Variants in COG3 observed in about 807,000 individuals in gnomAD.
COG3 encodes conserved oligomeric Golgi complex subunit 3.
A neutral mutation model predicts 114.1 loss-of-function variants in COG3; 32 were observed. That is an observed-to-expected ratio of 0.28 (90% CI 0.21 to 0.38). COG3 has a LOEUF of 0.38. COG3 is among the 10% of genes least tolerant of loss of function. The probability of loss-of-function intolerance (pLI) is 1.00; values close to 1 mark genes in which losing one functional copy is unlikely to be tolerated. For synonymous variants in COG3, 352 were observed against 365.7 expected, an observed-to-expected ratio of 0.96 and a Z score of 0.43; for missense variants, 813 against 973.2, an observed-to-expected ratio of 0.84 and a Z score of 2.19.
chr13:45,529,041 G>A (rs561565142), intron 20 of COG3, among the ~76,000 whole-genome samples: 15 of 152,182 alleles, frequency 9.9e-5, no homozygotes, highest in African/African-American at 3.4e-4. Flanking sequence ...CCATACCCTC[G>A]TCAAACATGG....
intron 20 of COG3, 93 bp from the exon 21 acceptor site, chr13:45,529,698 C>A: frequency 3.5e-6 from 3 of 850,158 alleles, no homozygotes; most frequent in Non-Finnish European, 3.5e-6. Context: ...TTTTCTTCTG[C>A]TATTTTTTTC....
At chr13:45,521,109 A>T (rs1381998729) in intron 19 of COG3, among the ~76,000 whole-genome samples, 1 of 152,250 alleles carries the variant, frequency 6.6e-6, no homozygotes, top group African/African-American at 2.4e-5. Flanking sequence ...GGCTGAGCCC[A>T]GTAGTTAGAG....
chr13:45,467,329 C>T (rs944602870), intron 1 of COG3, among the ~76,000 whole-genome samples: 3 of 152,208 alleles, frequency 2.0e-5, no homozygotes, highest in South Asian at 2.1e-4. Context: ...CGGTGGCCCA[C>T]GCCTGTAATT....
At chr13:45,524,263 G>A (rs900249992) in intron 19 of COG3, among the ~76,000 whole-genome samples, 2 of 152,130 alleles carry the variant, frequency 1.3e-5, no homozygotes, top group African/African-American at 2.4e-5. Context: ...TTTAAAACAC[G>A]TTTTATGCAG....
At chr13:45,508,386 T>TTATA (rs10571584) in intron 14 of COG3, among the ~76,000 whole-genome samples, 5 of 109,692 alleles carry the variant, frequency 4.6e-5, no homozygotes, top group East Asian at 2.6e-4. Context: ...ATATATATTT[T>TTATA]TATATATATA....
chr13:45,468,634 G>A (rs752983847), intron 1 of COG3, among the ~76,000 whole-genome samples: 3 of 152,206 alleles, frequency 2.0e-5, no homozygotes, highest in Non-Finnish European at 4.4e-5. Flanking sequence ...GGAGAGAAAG[G>A]TATGTTACTT....
At chr13:45,465,330 A>C (rs889338715) in intron 1 of COG3, 120 bp downstream of exon 1, 5 of 1,411,432 alleles carry the variant, frequency 3.5e-6, no homozygotes, top group Non-Finnish European at 2.8e-6. Context: ...CTCCCTGGCC[A>C]TGGTGGCGGA....
intron 19 of COG3, among the ~76,000 whole-genome samples, chr13:45,524,182 C>T (rs922437451): frequency 2.6e-5 from 4 of 152,160 alleles, no homozygotes; most frequent in Non-Finnish European, 5.9e-5. Context: ...AGCTGTTGCT[C>T]GGGCTTTTCT....
intron 3 of COG3, among the ~76,000 whole-genome samples, chr13:45,479,392 A>G (rs1289397153): frequency 6.6e-6 from 1 of 152,158 alleles, no homozygotes; most frequent in Non-Finnish European, 1.5e-5. Flanking sequence ...AGAAGGAGAA[A>G]CATCCCTGAA....
At chr13:45,481,536 A>G (rs1230230750) in intron 5 of COG3, among the ~76,000 whole-genome samples, 1 of 152,146 alleles carries the variant, frequency 6.6e-6, no homozygotes, top group African/African-American at 2.4e-5. Context: ...AAATCTCTTT[A>G]TTGGCTACCT....
At chr13:45,507,725 A>G (rs1870319021) in intron 14 of COG3, among the ~76,000 whole-genome samples, 1 of 148,174 alleles carries the variant, frequency 6.7e-6, no homozygotes. Flanking sequence ...AGATTGTGCC[A>G]CTGTACTCCA....
chr13:45,470,361 T>C (rs182515649), intron 1 of COG3, among the ~76,000 whole-genome samples: 1 of 152,338 alleles, frequency 6.6e-6, no homozygotes, highest in African/African-American at 2.4e-5. Context: ...CCTTGAGATT[T>C]ATTACCTATT....
intron 22 of COG3, 179 bp from the exon 23 acceptor site, chr13:45,534,523 T>G: frequency 2.3e-6 from 1 of 428,462 alleles, no homozygotes; most frequent in Non-Finnish European, 4.1e-6. Flanking sequence ...TCTAATTGCT[T>G]TATTTTATTT....
chr13:45,465,443 G>A (rs1274910779), intron 1 of COG3: 17 of 615,226 alleles, frequency 2.8e-5, no homozygotes, highest in African/African-American at 3.8e-5. Context: ...TCCTGCAGCT[G>A]GTGCTCGCCG....
intron 1 of COG3, among the ~76,000 whole-genome samples, chr13:45,467,519 A>G (rs2404218): frequency 0.64 from 97,078 of 151,450 alleles, 31,916 homozygotes; most frequent in African/African-American, 0.79. Flanking sequence ...TTGAACCCAG[A>G]AGGCAGAGAT....
chr13:45,470,352 C>T (rs1446354118), intron 1 of COG3, among the ~76,000 whole-genome samples: 1 of 152,110 alleles, frequency 6.6e-6, no homozygotes, highest in Non-Finnish European at 1.5e-5. Flanking sequence ...AGTTTTGTGC[C>T]TTGAGATTTA....
At chr13:45,488,962 C>T (rs755927013) in intron 8 of COG3, among the ~76,000 whole-genome samples, 5 of 151,506 alleles carry the variant, frequency 3.3e-5, no homozygotes, top group African/African-American at 4.9e-5. Context: ...TCAAGGAGGG[C>T]GGATCCCTTG....
At chr13:45,514,647 C>CA (rs1030889520) in intron 16 of COG3, among the ~76,000 whole-genome samples, 1 of 148,376 alleles carries the variant, frequency 6.7e-6, no homozygotes, top group Non-Finnish European at 1.5e-5. Flanking sequence ...AGCTTGTGTA[C>CA]TTTTTTTTTT....
intron 7 of COG3, among the ~76,000 whole-genome samples, 144 bp from the exon 8 acceptor site, chr13:45,486,332 CGGGAGACGGGAGAGGGAGA>C (rs1886658117): frequency 3.6e-5 from 2 of 54,844 alleles, no homozygotes; most frequent in African/African-American, 2.3e-4. Flanking sequence ...AGACGGGAGA[CGGGAGACGGGAGAGGGAGA>C]GGGAGAGGGA....
Sources: gnomAD v4.1 joint callset for allele counts (sites outside exome capture counted in the v4.1 genomes callset) on GRCh38, gnomAD v4.1.1 for gene constraint, MANE v1.5 for transcripts, NCBI Gene and HGNC (gene_info 2026-07-23, HGNC 2026-07-21) for gene names.